AVEN: variants seen among roughly 807,000 people sequenced by gnomAD.
The protein encoded by AVEN is apoptosis and caspase activation inhibitor.
In AVEN, 41 loss-of-function variants were observed where a neutral mutation model predicts 38.1. The ratio of observed to expected loss-of-function variants is 1.08; its 90% CI spans 0.84 to 1.40. The LOEUF is 1.40. Among genes scored for constraint, AVEN ranks in the 40% most tolerant of loss-of-function variants. The pLI is 0.00. For missense variants in AVEN, 605 were observed against 438.8 expected, an observed-to-expected ratio of 1.38 and a Z score of -3.38; for synonymous variants, 206 against 171.8, an observed-to-expected ratio of 1.20 and a Z score of -1.56.
intron 2 of AVEN, among the ~76,000 whole-genome samples, chr15:33,879,183 A>C (rs1415565518): frequency 6.6e-6 from 1 of 151,856 alleles, no homozygotes; most frequent in Non-Finnish European, 1.5e-5. Flanking sequence ...CCGGATTAAG[A>C]AAATGTGGCA....
chr15:33,895,498 T>C (rs577259546), intron 2 of AVEN, among the ~76,000 whole-genome samples: 2 of 152,102 alleles, frequency 1.3e-5, no homozygotes, highest in African/African-American at 4.8e-5. Flanking sequence ...GCTAACTTTT[T>C]TATTTTTTGA....
intron 11 of AVEN, chr15:33,860,701 T>C: frequency 7.4e-7 from 1 of 1,360,258 alleles, no homozygotes; most frequent in Non-Finnish European, 1.0e-6. Flanking sequence ...TATTTTAATA[T>C]CCCCAGAAGC....
chr15:33,855,293 G>A (rs770388733), downstream of AVEN, among the ~76,000 whole-genome samples: 4 of 152,020 alleles, frequency 2.6e-5, no homozygotes, highest in African/African-American at 9.7e-5. Flanking sequence ...CGACTCCCAG[G>A]TCCCAGTTCA....
intron 1 of AVEN, among the ~76,000 whole-genome samples, chr15:34,030,384 C>T (rs756201132): frequency 9.2e-5 from 14 of 152,174 alleles, no homozygotes; most frequent in South Asian, 2.1e-4. Flanking sequence ...CTTGCTCTGT[C>T]GCCCAGGCTG....
intron 2 of AVEN, among the ~76,000 whole-genome samples, chr15:33,981,359 T>G (rs1418593956): frequency 6.6e-6 from 1 of 152,222 alleles, no homozygotes; most frequent in African/African-American, 2.4e-5. Context: ...TCCGGACTTT[T>G]CAGTTTAAAT....
chr15:33,863,763 A>T (rs1889396849), downstream of AVEN, among the ~76,000 whole-genome samples: 1 of 152,244 alleles, frequency 6.6e-6, no homozygotes, highest in South Asian at 2.1e-4. Flanking sequence ...ATTCAATTCT[A>T]CATTTTTATG....
intron 5 of AVEN, among the ~76,000 whole-genome samples, chr15:34,053,407 C>G (rs1041423794): frequency 2.7e-5 from 4 of 147,644 alleles, no homozygotes; most frequent in African/African-American, 1.0e-4. Context: ...CTGGAGGTGT[C>G]GTGCTACCTA....
intron 11 of AVEN, among the ~76,000 whole-genome samples, chr15:33,860,080 G>T (rs973874006): frequency 6.6e-6 from 1 of 151,882 alleles, no homozygotes; most frequent in African/African-American, 2.4e-5. Context: ...GAGCAGAGGA[G>T]CTGGACAGTG....
intron 3 of AVEN, among the ~76,000 whole-genome samples, chr15:33,872,735 G>C (rs892881165): frequency 2.6e-5 from 4 of 152,072 alleles, no homozygotes; most frequent in African/African-American, 7.2e-5. Flanking sequence ...TAAAAACTTA[G>C]GTGATTTAAA....
chr15:33,879,077 A>C (rs1397356533), intron 2 of AVEN, among the ~76,000 whole-genome samples: 1 of 152,140 alleles, frequency 6.6e-6, no homozygotes, highest in Non-Finnish European at 1.5e-5. Flanking sequence ...AATATAAATC[A>C]TGCTGCTATA....
intron 2 of AVEN, among the ~76,000 whole-genome samples, chr15:33,956,174 G>C (rs1263654375): frequency 6.6e-6 from 1 of 152,046 alleles, no homozygotes; most frequent in Non-Finnish European, 1.5e-5. Context: ...CATGACACTA[G>C]AGCGCCAGCT....
intron 2 of AVEN, among the ~76,000 whole-genome samples, chr15:33,948,759 A>G (rs138527897): frequency 9.9e-5 from 15 of 151,784 alleles, no homozygotes; most frequent in African/African-American, 3.6e-4. Context: ...TGGAACCTCT[A>G]CCTCCTGGGT....
At chr15:33,914,228 AAAAAT>A (rs1372778643) in intron 2 of AVEN, among the ~76,000 whole-genome samples, 1 of 151,886 alleles carries the variant, frequency 6.6e-6, no homozygotes, top group Non-Finnish European at 1.5e-5. Context: ...GTTTGAATGT[AAAAAT>A]AAACATACAG....
chr15:33,865,709 G>A (rs1254491350), downstream of AVEN: 1 of 154,264 alleles, frequency 6.5e-6, no homozygotes, highest in African/African-American at 2.4e-5. Context: ...ATCCAGAAAA[G>A]CTTTAAGCAG....
chr15:34,010,636 T>C (rs1450262726), intron 1 of AVEN, among the ~76,000 whole-genome samples: 3 of 152,140 alleles, frequency 2.0e-5, no homozygotes, highest in African/African-American at 7.2e-5. Flanking sequence ...AATTATATCA[T>C]AGAGGTGAAT....
In AVEN at chr15:33,942,530, A is replaced by G. The variant is rs573793903; in HGVS notation, c.445+60502T>C. Reference sequence around the variant, plus strand: ...CAGTGGTGCGATCTCTGCTCACTGCAAGCTCCGCCCCCCGGATTCACGCCA... The same window carrying G: ...CAGTGGTGCGATCTCTGCTCACTGCGAGCTCCGCCCCCCGGATTCACGCCA... On this transcript the variant is annotated intron_variant, in intron 2 of 5. Coordinates refer to ENST00000306730, the MANE Select transcript of AVEN (RefSeq NM_020371.3). Among the ~76,000 whole-genome samples, 3 of 151,910 alleles carry G rather than the reference A, an allele frequency of 2.0e-5. No individual in the cohort carries two copies. The East Asian group carries it at 5.8e-4, about 29-fold the overall frequency.
rs1446059772 is a variant in AVEN at position 34,038,946 on chromosome 15, G to A, written c.101C>T (p.Ala34Val). The A allele has an allele frequency of 9.1e-7, 1 of 1,100,388 alleles. No homozygotes were observed. The highest frequency in any genetic ancestry group is 1.1e-6 in the Non-Finnish European group (1 of 910,068). The allele number at this position is 1,100,388 out of a possible 1,614,324, so 68.2% of individuals were successfully genotyped here. Residue 34 changes from alanine (A) to valine (V), a missense_variant, in exon 1 of 6, where the codon GCG becomes GTG. Transcript: ENST00000306730. ...RHSERPGAAA[A>V]VARGGGGGGG... is the part of the protein sequence containing the mutation. ...GCCTCCGCCGCCGCCTCTGGCTACC[G>A]CCGCTGCGGCTCCGGGCCGCTCGCT...
intron 2 of AVEN, among the ~76,000 whole-genome samples, chr15:33,977,956 A>C (rs1895955978): frequency 6.6e-6 from 1 of 151,490 alleles, no homozygotes; most frequent in East Asian, 1.9e-4. Context: ...AAAGAAAAGA[A>C]AAGAAAGAGA....
intron 2 of AVEN, among the ~76,000 whole-genome samples, chr15:33,964,781 T>C (rs1361286791): frequency 6.6e-6 from 1 of 152,206 alleles, no homozygotes. Flanking sequence ...ATTCCCTATA[T>C]ATTAAAGACA....
Sources: allele counts gnomAD v4.1 joint callset (sites outside exome capture counted in the v4.1 genomes callset), GRCh38; gene constraint gnomAD v4.1.1; transcripts MANE v1.5; gene names NCBI Gene and HGNC (gene_info 2026-07-23, HGNC 2026-07-21).